The following MIGA1 variants were observed in gnomAD, a reference collection of about 807,000 sequenced individuals.
MIGA1 encodes the protein mitoguardin 1.
Under a neutral mutation model 82.0 loss-of-function variants are expected in MIGA1, and 58 were observed. The observed-to-expected ratio is 0.71, with a 90% CI of 0.57 to 0.88. The LOEUF is 0.88. MIGA1 is among the 40% of genes least tolerant of loss of function. The probability of loss-of-function intolerance (pLI) is 0.00; values close to 1 mark genes in which losing one functional copy is unlikely to be tolerated. For missense variants in MIGA1, 751 were observed against 749.1 expected, an observed-to-expected ratio of 1.00 and a Z score of -0.03; for synonymous variants, 249 against 253.6, an observed-to-expected ratio of 0.98 and a Z score of 0.17.
intron 2 of MIGA1, among the ~76,000 whole-genome samples, chr1:77,796,074 A>C (rs1000580767): frequency 6.6e-6 from 1 of 151,982 alleles, no homozygotes; most frequent in East Asian, 1.9e-4. Context: ...CACATAAAGA[A>C]ATTTCAGAAT....
At chr1:77,873,194 T>C (rs1646862675) in intron 15 of MIGA1, 74 bp downstream of exon 15, 1 of 1,437,024 alleles carries the variant, frequency 7.0e-7, no homozygotes, top group Non-Finnish European at 9.5e-7. Flanking sequence ...TCTGTTTTGT[T>C]TTGCTTTTGT....
chr1:77,835,925 G>A (rs899474935), intron 7 of MIGA1, among the ~76,000 whole-genome samples: 1 of 151,782 alleles, frequency 6.6e-6, no homozygotes, highest in Non-Finnish European at 1.5e-5. Context: ...TCCAGCCTGG[G>A]CAACAGAGCG....
intron 7 of MIGA1, among the ~76,000 whole-genome samples, chr1:77,837,675 G>T (rs528220683): frequency 6.6e-6 from 1 of 152,290 alleles, no homozygotes; most frequent in East Asian, 1.9e-4. Flanking sequence ...TTAAATAGCA[G>T]ACATTCCTTA....
rs886066853 is a variant in MIGA1 at position 77,873,271 on chromosome 1, T to C, written c.1680+151T>C. 4.4e-5 allele frequency: 34 copies of C among 772,610 alleles called. No individual in the cohort carries two copies. The African/African-American group carries it at 5.1e-4, about 12-fold the overall frequency. The allele number at this position is 772,610 out of a possible 1,614,324, so 47.9% of individuals were successfully genotyped here. ...CCTAAATTCAGCATTTAAATGTCAG[T>C]GTTAAATATTTTTGGCATTTTATAA... On this transcript the variant is annotated intron_variant, in intron 15 of 15. Transcript: ENST00000370791.
chr1:77,844,113 A>AAATAT (rs1296124524), intron 8 of MIGA1, among the ~76,000 whole-genome samples: 127 of 90,070 alleles, frequency 1.4e-3, no homozygotes, highest in Middle Eastern at 6.0e-3. Context: ...AAAAAAAAAA[A>AAATAT]ATATATATAT....
At chr1:77,787,598 A>G (rs577770173) in intron 2 of MIGA1, among the ~76,000 whole-genome samples, 84 of 151,830 alleles carry the variant, frequency 5.5e-4, no homozygotes, top group Admixed American at 2.0e-3. Context: ...CATGCTGGCC[A>G]GGCTCGTCTG....
At chr1:77,823,616 A>G (rs925366565) in intron 7 of MIGA1, among the ~76,000 whole-genome samples, 15 of 152,120 alleles carry the variant, frequency 9.9e-5, no homozygotes, top group African/African-American at 3.4e-4. Flanking sequence ...CTAGGCTTCA[A>G]TGCATTGCCA....
At chr1:77,816,393 GATT>G (rs1683574807) in intron 7 of MIGA1, among the ~76,000 whole-genome samples, 1 of 152,088 alleles carries the variant, frequency 6.6e-6, no homozygotes, top group Admixed American at 6.5e-5. Context: ...GTATGAAGAG[GATT>G]ATTATTTTCC....
chr1:77,844,116 AT>A (rs1231151274), intron 8 of MIGA1, among the ~76,000 whole-genome samples: 233 of 17,482 alleles, frequency 0.013, 3 homozygotes, highest in African/African-American at 0.023. Flanking sequence ...AAAAAAAAAT[AT>A]ATATATATAT....
chr1:77,825,030 C>CCAGCCT (rs914849493), intron 7 of MIGA1, among the ~76,000 whole-genome samples: 2 of 143,898 alleles, frequency 1.4e-5, no homozygotes, highest in Non-Finnish European at 3.0e-5. Flanking sequence ...GCTCTGATGC[C>CCAGCCT]CAGCCTGGAG....
At chr1:77,870,114 G>A (rs1685885759) in intron 14 of MIGA1, among the ~76,000 whole-genome samples, 9 of 98,020 alleles carry the variant, frequency 9.2e-5, no homozygotes, top group Non-Finnish European at 1.6e-4. Flanking sequence ...CTCCCTCCTG[G>A]ACGGGGCGAC....
chr1:77,782,785 G>A, intron 1 of MIGA1: 5 of 730,312 alleles, frequency 6.8e-6, no homozygotes, highest in African/African-American at 1.9e-5. Flanking sequence ...TGAACTCTGA[G>A]GTTCTAGCCC....
intron 7 of MIGA1, among the ~76,000 whole-genome samples, chr1:77,829,659 C>T (rs778325919): frequency 1.1e-4 from 17 of 151,918 alleles, no homozygotes; most frequent in African/African-American, 2.7e-4. Context: ...TTAGTAGAGA[C>T]GGGGTTTCAC....
chr1:77,865,451 G>GGTGCA (rs2101955833), intron 13 of MIGA1, among the ~76,000 whole-genome samples: 1 of 152,210 alleles, frequency 6.6e-6, no homozygotes, highest in East Asian at 1.9e-4. Flanking sequence ...AAATTTGCCA[G>GGTGCA]GTGCAGTGGT....
intron 10 of MIGA1, chr1:77,859,654 C>A: frequency 2.5e-6 from 1 of 404,678 alleles, no homozygotes; most frequent in Non-Finnish European, 4.4e-6. Flanking sequence ...AAAATGGCTG[C>A]TTAAAATAAA....
intron 2 of MIGA1, among the ~76,000 whole-genome samples, chr1:77,789,251 G>A (rs369920756): frequency 5.9e-5 from 8 of 136,200 alleles, no homozygotes; most frequent in African/African-American, 1.4e-4. Flanking sequence ...TTTGTTGCCC[G>A]GGCTGCAAAT....
chr1:77,872,943 A>G (rs1646859805), intron 14 of MIGA1, 61 bp from the exon 15 acceptor site: 1 of 1,601,690 alleles, frequency 6.2e-7, no homozygotes, highest in Non-Finnish European at 8.5e-7. Context: ...CAGTTTCTGT[A>G]CTAGAGAAAG....
In MIGA1 at chr1:77,863,916, ATGT is replaced by A; in HGVS notation, c.1402_1404del (p.Val468del). Reference sequence around the variant, plus strand: ...CAGGTGAAAAATCTAAATTTTTATGATGTTGTTCTGGATTTTATATTAATGGAC... The same window carrying A: ...CAGGTGAAAAATCTAAATTTTTATGATGTTCTGGATTTTATATTAATGGAC... On this transcript the variant is annotated inframe_deletion, in exon 13 of 16. Transcript: ENST00000370791. 2 of 1,572,298 alleles carry A rather than the reference ATGT, an allele frequency of 1.3e-6. 1 individual carries two copies. Among genetic ancestry groups the A allele is most frequent in the Middle Eastern group, 3.4e-4 (2 of 5,966 alleles).
At chr1:77,835,364 A>G (rs940477887) in intron 7 of MIGA1, among the ~76,000 whole-genome samples, 5 of 152,238 alleles carry the variant, frequency 3.3e-5, no homozygotes, top group African/African-American at 1.2e-4. Flanking sequence ...ATATCTGTGT[A>G]CAGTGAATGC....
Sources: allele counts gnomAD v4.1 joint callset (sites outside exome capture counted in the v4.1 genomes callset), GRCh38; gene constraint gnomAD v4.1.1; transcripts MANE v1.5; gene names NCBI Gene and HGNC (gene_info 2026-07-23, HGNC 2026-07-21).